The following PAM variants were observed in gnomAD, a reference collection of about 807,000 sequenced individuals.
PAM encodes the protein peptidyl-glycine alpha-amidating monooxygenase.
PAM carries 72 observed loss-of-function variants against 122.1 expected under a neutral mutation model. The observed-to-expected ratio is 0.59, with a 90% CI of 0.49 to 0.72. The LOEUF (loss-of-function observed/expected upper bound fraction) is 0.72, where lower values mean the gene tolerates loss of function less well. PAM is among the 30% of genes least tolerant of loss of function. The pLI, the probability that PAM is intolerant of heterozygous loss-of-function variation, is 0.00. For missense variants in PAM, 1,106 were observed against 1,183.7 expected, an observed-to-expected ratio of 0.93 and a Z score of 0.96; for synonymous variants, 389 against 404.4, an observed-to-expected ratio of 0.96 and a Z score of 0.46.
chr5:102,946,693 A>C, intron 7 of PAM, 144 bp from the exon 8 acceptor site: 1 of 622,032 alleles, frequency 1.6e-6, no homozygotes, highest in Non-Finnish European at 2.8e-6. Flanking sequence ...ATATGAAAGT[A>C]CTTAGTAAAT....
At chr5:102,970,841 C>G (rs1562082546) in intron 14 of PAM, among the ~76,000 whole-genome samples, 1 of 151,976 alleles carries the variant, frequency 6.6e-6, no homozygotes, top group Admixed American at 6.6e-5. Context: ...GAGTCTCACT[C>G]TGTCTCCCGG....
chr5:102,804,038 G>A lies in PAM; in HGVS notation c.-374+48690G>A, dbSNP rs150512851. On this transcript the variant is annotated intron_variant, in intron 1 of 25. Coordinates refer to ENST00000438793, the MANE Select transcript of PAM (RefSeq NM_001177306.2). Reference sequence around the variant, plus strand: ...AACAGGAGAAGTGTGAGGGTTGCAGGGGGGGATGGGGAGATAGATGTGGAA... The same window carrying A: ...AACAGGAGAAGTGTGAGGGTTGCAGAGGGGGATGGGGAGATAGATGTGGAA... Among the ~76,000 whole-genome samples, 11 of 152,174 alleles carry A rather than the reference G, an allele frequency of 7.2e-5. No homozygotes were observed. The South Asian group carries it at 2.1e-3, about 29-fold the overall frequency.
rs962625180 is a variant in PAM at position 102,887,393 on chromosome 5, T to C, written c.211-13963T>C. 2.6e-5 allele frequency among the ~76,000 whole-genome samples: 4 copies of C among 151,978 alleles called. 1 individual carries two copies. Among genetic ancestry groups the C allele is most frequent in the African/African-American group, 4.8e-5 (2 of 41,412 alleles). Reference sequence around the variant, plus strand: ...GAAGCAGCCTGAGGCCCTTACCAGATGCAGCTACCGAATCTTGATCCTTCC... The same window carrying C: ...GAAGCAGCCTGAGGCCCTTACCAGACGCAGCTACCGAATCTTGATCCTTCC... On this transcript the variant is annotated intron_variant, in intron 3 of 25. Coordinates refer to ENST00000438793, the MANE Select transcript of PAM (RefSeq NM_001177306.2).
intron 4 of PAM, among the ~76,000 whole-genome samples, chr5:102,902,872 A>C: frequency 6.6e-6 from 1 of 151,498 alleles, no homozygotes; most frequent in Non-Finnish European, 1.5e-5. Context: ...TCACATTAAT[A>C]GGTTTGTTTC....
intron 3 of PAM, among the ~76,000 whole-genome samples, chr5:102,877,965 C>T (rs962657644): frequency 6.6e-6 from 1 of 151,866 alleles, no homozygotes; most frequent in Non-Finnish European, 1.5e-5. Flanking sequence ...GGAGTTGAAG[C>T]TGCAGTGAAC....
intron 1 of PAM, among the ~76,000 whole-genome samples, chr5:102,774,061 G>A (rs1325946954): frequency 6.6e-6 from 1 of 151,984 alleles, no homozygotes; most frequent in Non-Finnish European, 1.5e-5. Context: ...CTTTTTTGTG[G>A]CTACATAGTA....
At chr5:102,772,391 T>C (rs1297401827) in intron 1 of PAM, among the ~76,000 whole-genome samples, 1 of 152,074 alleles carries the variant, frequency 6.6e-6, no homozygotes, top group Non-Finnish European at 1.5e-5. Flanking sequence ...AAATGGCCTG[T>C]TTTGTGCTGT....
rs1269635372 is a variant in PAM at position 102,803,123 on chromosome 5, C to CAAAAA, written c.-374+47780_-374+47784dup. Among the ~76,000 whole-genome samples, 45 of 129,592 alleles carry CAAAAA rather than the reference C, an allele frequency of 3.5e-4. 2 individuals are homozygous for CAAAAA. Among genetic ancestry groups the CAAAAA allele is most frequent in the Middle Eastern group, 4.0e-3 (1 of 248 alleles). 85.0% of individuals were successfully genotyped at this position (129,592 alleles called of 152,430 possible). A position where few individuals can be genotyped will look rare whatever the true frequency, so the allele number is the denominator to read the frequency against. On this transcript the variant is annotated intron_variant, in intron 1 of 25. Transcript: ENST00000438793. ...GGGCAACAGAGAGAGATTCTGTGTC[C>CAAAAA]AAAAAAAAAGAAAGAAAGAAAGAAA...
intron 1 of PAM, among the ~76,000 whole-genome samples, chr5:102,758,836 AG>A (rs1305669969): frequency 6.6e-6 from 1 of 152,000 alleles, no homozygotes; most frequent in African/African-American, 2.4e-5. Flanking sequence ...GGGTAGGGGG[AG>A]GGGGGAAGGA....
chr5:102,861,426 A>C (rs2150882129), intron 1 of PAM, among the ~76,000 whole-genome samples: 1 of 152,354 alleles, frequency 6.6e-6, no homozygotes, highest in Admixed American at 6.5e-5. Flanking sequence ...AACATAAAAC[A>C]AACACTGATT....
chr5:102,882,110 T>TATATATACAC (rs1561748160), intron 3 of PAM, among the ~76,000 whole-genome samples: 2 of 103,784 alleles, frequency 1.9e-5, no homozygotes, highest in African/African-American at 7.8e-5. Context: ...TATATATATA[T>TATATATACAC]ACACCACATT....
chr5:103,018,019 G>A (rs1338779667), intron 22 of PAM, among the ~76,000 whole-genome samples: 1 of 152,102 alleles, frequency 6.6e-6, no homozygotes, highest in Non-Finnish European at 1.5e-5. Context: ...ATTGGAATTT[G>A]GACATCATTT....
intron 7 of PAM, among the ~76,000 whole-genome samples, chr5:102,946,225 G>T (rs1756990399): frequency 1.3e-5 from 2 of 152,092 alleles, no homozygotes; most frequent in African/African-American, 2.4e-5. Flanking sequence ...AGACCACCTT[G>T]TTTGAGGGCA....
At chr5:102,759,574 G>T (rs1188335721) in intron 1 of PAM, among the ~76,000 whole-genome samples, 1 of 152,174 alleles carries the variant, frequency 6.6e-6, no homozygotes, top group Non-Finnish European at 1.5e-5. Flanking sequence ...TTATAAATAT[G>T]AAATCTCCCA....
At chr5:102,780,749 CTTTCTCTTTCTTTCTTTCTTTCTT>C (rs1420364511) in intron 1 of PAM, among the ~76,000 whole-genome samples, 85 of 149,370 alleles carry the variant, frequency 5.7e-4, no homozygotes, top group East Asian at 1.8e-3. Context: ...CTTTTTCTTT[CTTTCTCTTTCTTTCTTTCTTTCTT>C]TCTTTCTTTC....
In PAM at chr5:102,801,834, A is replaced by G. The variant is rs939239190; in HGVS notation, c.-374+46486A>G. Among the ~76,000 whole-genome samples the G allele has an allele frequency of 4.8e-4, 62 of 130,448 alleles. No homozygotes were observed. The East Asian group carries it at 0.01, about 22-fold the overall frequency. 85.6% of individuals were successfully genotyped at this position (130,448 alleles called of 152,430 possible). Reference sequence around the variant, plus strand: ...CGCTCTGTCGCCCAGGCTGGAGTGCAGTGGCGCGATCTCGGCTCACTGCAA... The same window carrying G: ...CGCTCTGTCGCCCAGGCTGGAGTGCGGTGGCGCGATCTCGGCTCACTGCAA... On this transcript the variant is annotated intron_variant, in intron 1 of 25. Transcript: ENST00000438793.
chr5:102,863,330 G>A (rs1010447913), intron 1 of PAM, among the ~76,000 whole-genome samples: 1 of 152,126 alleles, frequency 6.6e-6, no homozygotes, highest in African/African-American at 2.4e-5. Flanking sequence ...AATGCTGATT[G>A]TCCACCTCCC....
At chr5:102,903,936 A>C (rs529663578) in intron 4 of PAM, among the ~76,000 whole-genome samples, 2 of 151,704 alleles carry the variant, frequency 1.3e-5, no homozygotes, top group Admixed American at 1.3e-4. Context: ...AGTTTTGCCA[A>C]AGGAAAAATA....
At chr5:102,890,168 TGG>T (rs1794369407) in intron 3 of PAM, among the ~76,000 whole-genome samples, 1 of 151,910 alleles carries the variant, frequency 6.6e-6, no homozygotes, top group Non-Finnish European at 1.5e-5. Flanking sequence ...TTTTTTGTGC[TGG>T]TGCATCTAGA....
Sources: allele counts gnomAD v4.1 joint callset (sites outside exome capture counted in the v4.1 genomes callset), GRCh38; gene constraint gnomAD v4.1.1; transcripts MANE v1.5; gene names NCBI Gene and HGNC (gene_info 2026-07-23, HGNC 2026-07-21).